SH3BP4: variants seen among roughly 807,000 people sequenced by gnomAD.
SH3BP4 encodes SH3 domain binding protein 4, also known as SH3 domain-binding protein 4.
In SH3BP4, 33 loss-of-function variants were observed where a neutral mutation model predicts 65.5. The ratio of observed to expected loss-of-function variants is 0.50; its 90% CI spans 0.38 to 0.67. The LOEUF is 0.67. SH3BP4 is among the 30% of genes least tolerant of loss of function. The pLI, the probability that SH3BP4 is intolerant of heterozygous loss-of-function variation, is 0.00. For synonymous variants in SH3BP4, 552 were observed against 545.5 expected, an observed-to-expected ratio of 1.01 and a Z score of -0.17; for missense variants, 1,134 against 1,261.4, an observed-to-expected ratio of 0.90 and a Z score of 1.53.
intron 2 of SH3BP4, among the ~76,000 whole-genome samples, chr2:235,018,034 C>G (rs150840876): frequency 1.0e-3 from 153 of 152,248 alleles, no homozygotes; most frequent in African/African-American, 3.6e-3. Flanking sequence ...TGGCAGATCT[C>G]CATGGCCCAG....
chr2:235,046,407 A>AT lies in SH3BP4; in HGVS notation c.2478+3172dup, dbSNP rs1272781815. ...AACATAGTGAGGCTTCATCTCTCCA[A>AT]TTTTTTTTTTTTAAATCAGCCAGGT... On this transcript the variant is annotated intron_variant, in intron 4 of 5. Transcript: ENST00000392011. This position sits in a 1 kb window ranked among gnomAD's most constrained non-coding sequence, Gnocchi z 4.2. 1.1e-3 allele frequency among the ~76,000 whole-genome samples: 158 copies of AT among 146,408 alleles called. No homozygotes were observed. The highest frequency in any genetic ancestry group is 7.0e-3 in the Middle Eastern group (2 of 286).
rs59686224 is a variant in SH3BP4 at position 235,007,610 on chromosome 2, T to C, written c.-133+12234T>C. ...TTTCCAGAGAGTTTGCTGTTTCACC[T>C]AGAGAATTGATTGACTGGTTTTGGA... On this transcript the variant is annotated intron_variant, in intron 2 of 5. Transcript: ENST00000392011. 3.2e-3 allele frequency among the ~76,000 whole-genome samples: 490 copies of C among 152,298 alleles called. 3 individuals carry two copies. Among genetic ancestry groups the C allele is most frequent in the African/African-American group, 0.012 (483 of 41,564 alleles).
At chr2:235,027,363 G>C (rs11899255) in intron 2 of SH3BP4, among the ~76,000 whole-genome samples, 5,774 of 142,380 alleles carry the variant, frequency 0.041, 351 homozygotes, top group African/African-American at 0.13. Flanking sequence ...GGCCCCGAAG[G>C]CTTCTCCACT....
intron 2 of SH3BP4, among the ~76,000 whole-genome samples, chr2:235,025,685 T>C (rs1374054882): frequency 1.3e-5 from 2 of 152,012 alleles, no homozygotes. Context: ...TAAGAAAAAA[T>C]AACAAGCACG....
intron 1 of SH3BP4, among the ~76,000 whole-genome samples, chr2:234,971,259 CT>C (rs1296920115): frequency 6.6e-6 from 1 of 152,188 alleles, no homozygotes; most frequent in Non-Finnish European, 1.5e-5. Flanking sequence ...CAATATTTGT[CT>C]TTTTGTGATT....
chr2:235,017,045 C>CTTTTTTTTTTTTTTT (rs995197698), intron 2 of SH3BP4, among the ~76,000 whole-genome samples: 1 of 88,436 alleles, frequency 1.1e-5, no homozygotes. Flanking sequence ...GTTTGCCTTT[C>CTTTTTTTTTTTTTTT]TTTTTTTTTT....
rs1381441976 is a variant in SH3BP4, at chr2:235,035,849, C to T, written c.118+729C>T. Among the ~76,000 whole-genome samples, 1 of 152,238 alleles carries T rather than the reference C, an allele frequency of 6.6e-6. No homozygotes were observed. Among genetic ancestry groups the T allele is most frequent in the Non-Finnish European group, 1.5e-5 (1 of 68,046 alleles). On this transcript the variant is annotated intron_variant, in intron 3 of 5. Coordinates refer to ENST00000392011, the MANE Select transcript of SH3BP4 (RefSeq NM_014521.3). This position sits in a 1 kb window ranked among gnomAD's most constrained non-coding sequence, Gnocchi z 5.0. ...TCCTGCACATCTGCCCTAACCTAGGCCACGTTCAGTCTCTCTCACATGCTC... is the reference window on the plus strand; with the variant it reads ...TCCTGCACATCTGCCCTAACCTAGGTCACGTTCAGTCTCTCTCACATGCTC...
At position 234,997,603 on chromosome 2, in the gene SH3BP4, G is replaced by A. The variant is rs568010140; in HGVS notation, c.-133+2227G>A. Among the ~76,000 whole-genome samples the A allele has an allele frequency of 7.9e-5, 12 of 152,158 alleles. No homozygotes were observed. The highest frequency in any genetic ancestry group is 1.9e-4 in the East Asian group (1 of 5,178). On this transcript the variant is annotated intron_variant, in intron 2 of 5. Transcript: ENST00000392011. The surrounding 1 kb of genome is among the most constrained non-coding windows in gnomAD (Gnocchi z 4.2). ...GGAGTGTCAGCTAGGGGACGGAGCC[G>A]GTGCGGAGATCGAGGCCCCACAAGG...
chr2:235,047,642 G>A (rs1278037778), intron 4 of SH3BP4, among the ~76,000 whole-genome samples: 12 of 152,232 alleles, frequency 7.9e-5, no homozygotes, highest in Non-Finnish European at 1.3e-4. Flanking sequence ...GGAGATAGCC[G>A]TGGGCAGTGG....
intron 2 of SH3BP4, among the ~76,000 whole-genome samples, chr2:235,015,897 A>G (rs1487901361): frequency 6.6e-6 from 1 of 151,912 alleles, no homozygotes; most frequent in Non-Finnish European, 1.5e-5. Context: ...TTGCTAGTTG[A>G]TCTTGAGAGT....
chr2:234,974,896 G>A lies in SH3BP4; in HGVS notation c.-206-20407G>A, dbSNP rs566961892. Among the ~76,000 whole-genome samples the A allele has an allele frequency of 6.6e-6, 1 of 152,242 alleles. No individual in the cohort carries two copies. Among genetic ancestry groups the A allele is most frequent in the Admixed American group, 6.5e-5 (1 of 15,298 alleles). On this transcript the variant is annotated intron_variant, in intron 1 of 5. Transcript: ENST00000392011. This position sits in a 1 kb window ranked among gnomAD's most constrained non-coding sequence, Gnocchi z 4.6. ...CACCCTGGCACGCCCTGCCTGCCCC[G>A]TTACGTGGCGATTTGTGATGGGGAT... is the stretch of plus-strand genomic sequence containing the variant.
chr2:235,005,943 T>G (rs1430033600), intron 2 of SH3BP4, among the ~76,000 whole-genome samples: 1 of 152,214 alleles, frequency 6.6e-6, no homozygotes, highest in Non-Finnish European at 1.5e-5. Context: ...CGCTCTTGCG[T>G]GCCCGCCTGT....
chr2:234,962,987 C>T (rs751886692), intron 1 of SH3BP4, among the ~76,000 whole-genome samples: 3 of 151,992 alleles, frequency 2.0e-5, no homozygotes, highest in Non-Finnish European at 4.4e-5. Context: ...TGATCCCAAG[C>T]GATCCAACTG....
chr2:234,993,785 G>C (rs1048353264), intron 1 of SH3BP4, among the ~76,000 whole-genome samples: 1 of 152,214 alleles, frequency 6.6e-6, no homozygotes. Context: ...TCAAAGGAGA[G>C]GGATGGACGG....
chr2:235,042,265 G>C lies in SH3BP4; in HGVS notation c.1496G>C (p.Cys499Ser). The C allele has an allele frequency of 6.2e-7, 1 of 1,614,116 alleles. No individual in the cohort carries two copies. ...GTAGTGACCATTTTTGGGCATGACT[G>C]TGCCCCAAAGACGCTCCTGGTCAGC... ...KTVVTIFGHD[C>S]APKTLLVSEV... Residue 499 changes from cysteine (C) to serine (S), a missense_variant, in exon 4 of 6, where the codon TGT (cysteine) becomes TCT (serine). By Grantham distance (112) the Cys-to-Ser change is moderately radical. Transcript: ENST00000392011. This position sits in a 1 kb window ranked among gnomAD's most constrained non-coding sequence, Gnocchi z 7.3.
intron 1 of SH3BP4, among the ~76,000 whole-genome samples, chr2:234,982,147 C>G (rs1000866094): frequency 6.6e-6 from 1 of 152,190 alleles, no homozygotes; most frequent in Non-Finnish European, 1.5e-5. Context: ...ACCGGCTGTT[C>G]TGGGTTTTGT....
intron 3 of SH3BP4, among the ~76,000 whole-genome samples, chr2:235,036,740 A>AAAAAAAAAAAAAAATAAT (rs146049108): frequency 4.0e-4 from 57 of 141,772 alleles, no homozygotes; most frequent in Middle Eastern, 7.2e-3. Context: ...TCTATATAAA[A>AAAAAAAAAAAAAAATAAT]AATAATAATA....
intron 1 of SH3BP4, among the ~76,000 whole-genome samples, chr2:234,959,094 A>AAC (rs1355368109): frequency 6.6e-6 from 1 of 152,152 alleles, no homozygotes; most frequent in Non-Finnish European, 1.5e-5. Context: ...TAACATCTGC[A>AAC]ACTTTTTCCC....
rs1693122606 is a variant in SH3BP4, at chr2:234,974,825, T to C, written c.-206-20478T>C. 1.3e-5 allele frequency among the ~76,000 whole-genome samples: 2 copies of C among 152,202 alleles called. No individual in the cohort carries two copies. Among genetic ancestry groups the C allele is most frequent in the South Asian group, 4.1e-4 (2 of 4,830 alleles). On this transcript the variant is annotated intron_variant, in intron 1 of 5. Coordinates refer to ENST00000392011, the MANE Select transcript of SH3BP4 (RefSeq NM_014521.3). This position sits in a 1 kb window ranked among gnomAD's most constrained non-coding sequence, Gnocchi z 4.6. ...AAGGGTGAGGGGAGGGGAAGGAATCTGAGCCAGTCAGTGTGCCCACACTGG... is the reference window on the plus strand; with the variant it reads ...AAGGGTGAGGGGAGGGGAAGGAATCCGAGCCAGTCAGTGTGCCCACACTGG...
Sources: gnomAD v4.1 joint callset for allele counts (sites outside exome capture counted in the v4.1 genomes callset) on GRCh38, gnomAD v4.1.1 for gene constraint, Gnocchi (gnomAD v3.1) non-coding constraint, MANE v1.5 for transcripts, NCBI Gene and HGNC (gene_info 2026-07-23, HGNC 2026-07-21) for gene names.